CDH23: variants seen among roughly 807,000 people sequenced by gnomAD.
The protein encoded by CDH23 is cadherin-23.
A neutral mutation model predicts 317.1 loss-of-function variants in CDH23; 189 were observed. That is an observed-to-expected ratio of 0.60 (90% CI 0.53 to 0.67). The LOEUF (loss-of-function observed/expected upper bound fraction) is 0.67. Ranked by LOEUF, CDH23 falls within the 30% of genes least tolerant of loss-of-function variation. The pLI is 0.00. For synonymous variants in CDH23, 1,839 were observed against 1,876.8 expected, an observed-to-expected ratio of 0.98 and a Z score of 0.52; for missense variants, 4,401 against 4,592.4, an observed-to-expected ratio of 0.96 and a Z score of 1.20.
intron 6 of CDH23, among the ~76,000 whole-genome samples, chr10:71,514,813 G>T (rs761878509): frequency 6.6e-6 from 1 of 152,202 alleles, no homozygotes; most frequent in Non-Finnish European, 1.5e-5. Context: ...AGCCAGCCTC[G>T]ACAGACCTCA....
At chr10:71,754,541 G>A (rs1333298085) in intron 38 of CDH23, among the ~76,000 whole-genome samples, 2 of 152,142 alleles carry the variant, frequency 1.3e-5, no homozygotes, top group Non-Finnish European at 1.5e-5. Context: ...AAGACTCAAG[G>A]GCAGGGTCAG....
chr10:71,609,015 C>T (rs901345535), intron 9 of CDH23, among the ~76,000 whole-genome samples: 12 of 152,180 alleles, frequency 7.9e-5, no homozygotes, highest in Non-Finnish European at 1.6e-4. Flanking sequence ...AACTGCTTTT[C>T]GCCCAGACCC....
chr10:71,710,477 G>C (rs1019350398), intron 27 of CDH23, among the ~76,000 whole-genome samples: 1 of 152,236 alleles, frequency 6.6e-6, no homozygotes, highest in South Asian at 2.1e-4. Flanking sequence ...ACAGTGCCTA[G>C]TGGCCAGCAG....
chr10:71,634,031 G>A (rs1189400168), intron 11 of CDH23, among the ~76,000 whole-genome samples: 1 of 152,264 alleles, frequency 6.6e-6, no homozygotes, highest in African/African-American at 2.4e-5. Context: ...TTCTCTGTGG[G>A]AAGAGGGAAA....
rs1283594725 is a variant in CDH23 at position 71,639,002 on chromosome 10, C to T, written c.1135-4859C>T. Among the ~76,000 whole-genome samples the T allele has an allele frequency of 2.0e-5, 3 of 152,152 alleles. No homozygotes were observed. In the East Asian group the frequency reaches 5.8e-4, roughly 29 times the overall value. On this transcript the variant is annotated intron_variant, in intron 11 of 69. Transcript: ENST00000224721. ...CCCTAGGAGCAAAGTGCAGGAGCTA[C>T]ACGGGGAGGGACCGGCAGGGAGCCA...
At chr10:71,814,711 G>GAT (rs1351762627) in intron 69 of CDH23, among the ~76,000 whole-genome samples, 1 of 105,110 alleles carries the variant, frequency 9.5e-6, no homozygotes, top group African/African-American at 4.0e-5. Context: ...ACAAGAAGCC[G>GAT]ATACACACAC....
intron 6 of CDH23, among the ~76,000 whole-genome samples, chr10:71,539,904 G>A (rs531813837): frequency 2.6e-5 from 4 of 152,190 alleles, no homozygotes; most frequent in Admixed American, 1.3e-4. Context: ...CAGGCTGCAT[G>A]TGTTTGCCTT....
intron 11 of CDH23, among the ~76,000 whole-genome samples, chr10:71,621,032 T>G (rs1861442963): frequency 6.6e-6 from 1 of 152,204 alleles, no homozygotes; most frequent in African/African-American, 2.4e-5. Context: ...CCGTGTAGCA[T>G]TTAGCCACAT....
rs1281952782 is a variant in CDH23, at chr10:71,695,493, G to C, written c.2365G>C (p.Glu789Gln). 6.2e-7 allele frequency: 1 copy of C among 1,613,504 alleles called. No homozygotes were observed. The highest frequency in any genetic ancestry group is 8.5e-7 in the Non-Finnish European group (1 of 1,179,456). The change falls in exon 22 of 70, where the codon GAG becomes CAG. Residue 789 changes from glutamate to glutamine, a missense_variant. Coordinates refer to ENST00000224721, the MANE Select transcript of CDH23 (RefSeq NM_022124.6). ...KDAPYYINLV[E>Q]MTPPDSDVTT... ...CGCACCCTACTACATCAACCTGGTGGAGATGACCCCTCCAGACTCTGATGT... is the reference window on the plus strand; with the variant it reads ...CGCACCCTACTACATCAACCTGGTGCAGATGACCCCTCCAGACTCTGATGT...
At chr10:71,583,589 C>A (rs1374441860) in intron 9 of CDH23, among the ~76,000 whole-genome samples, 1 of 152,126 alleles carries the variant, frequency 6.6e-6, no homozygotes, top group Non-Finnish European at 1.5e-5. Flanking sequence ...GCTGATAGGA[C>A]AAGTGCTGTG....
At chr10:71,566,270 C>T (rs1857392365) in intron 6 of CDH23, among the ~76,000 whole-genome samples, 1 of 152,130 alleles carries the variant, frequency 6.6e-6, no homozygotes, top group Non-Finnish European at 1.5e-5. Context: ...TCAGCAGCCC[C>T]ATCCATTGTT....
chr10:71,795,114 A>G (rs1302579976), intron 48 of CDH23, among the ~76,000 whole-genome samples: 1 of 152,208 alleles, frequency 6.6e-6, no homozygotes, highest in Non-Finnish European at 1.5e-5. Flanking sequence ...AAAATAATAC[A>G]TGATTTTCAG....
intron 38 of CDH23, among the ~76,000 whole-genome samples, chr10:71,746,338 C>A (rs1839851925): frequency 6.6e-6 from 1 of 152,182 alleles, no homozygotes; most frequent in Non-Finnish European, 1.5e-5. Flanking sequence ...CTACTTTTCT[C>A]CCTGAGACCC....
At chr10:71,639,879 A>G (rs541388733) in intron 11 of CDH23, among the ~76,000 whole-genome samples, 37 of 152,288 alleles carry the variant, frequency 2.4e-4, no homozygotes, top group African/African-American at 8.4e-4. Context: ...GCTGACAGTC[A>G]CAAATCCAGA....
chr10:71,688,516 T>C lies in CDH23; in HGVS notation c.2059+797T>C, dbSNP rs558094592. Among the ~76,000 whole-genome samples, 386 of 136,280 alleles carry C rather than the reference T, an allele frequency of 2.8e-3. 2 individuals carry two copies. Among genetic ancestry groups the C allele is most frequent in the African/African-American group, 0.01 (366 of 35,308 alleles). The allele number at this position is 136,280 out of a possible 152,430, so 89.4% of individuals were successfully genotyped here. On this transcript the variant is annotated intron_variant, in intron 19 of 69. Transcript: ENST00000224721. ...CCAGGGATGGTGGAGCCAGGGGTGG[T>C]GGAGTCAGGGGTGGTGGAACCAGGG...
intron 14 of CDH23, among the ~76,000 whole-genome samples, chr10:71,667,359 A>AGAGAGAGAGAGAGTGTGTGT (rs58361666): frequency 3.6e-5 from 4 of 112,078 alleles, no homozygotes; most frequent in Non-Finnish European, 6.9e-5. Context: ...AGAGAGAGAG[A>AGAGAGAGAGAGAGTGTGTGT]GTGTGTGTGT....
intron 3 of CDH23, among the ~76,000 whole-genome samples, chr10:71,495,373 C>T (rs1852903138): frequency 6.6e-6 from 1 of 151,998 alleles, no homozygotes; most frequent in Non-Finnish European, 1.5e-5. Flanking sequence ...TCTTGCTCAC[C>T]TGCTTTTATG....
chr10:71,748,496 C>T (rs77500667), intron 38 of CDH23: 4,481 of 152,410 alleles, frequency 0.029, 127 homozygotes, highest in African/African-American at 0.064. Context: ...ATTCCTTCAG[C>T]CTCTCCCTGG....
At chr10:71,536,251 A>G (rs369904373) in intron 6 of CDH23, among the ~76,000 whole-genome samples, 3 of 152,348 alleles carry the variant, frequency 2.0e-5, no homozygotes, top group African/African-American at 7.2e-5. Context: ...CCTGAACGGT[A>G]TGGCTTGATG....
Sources: allele counts gnomAD v4.1 joint callset (sites outside exome capture counted in the v4.1 genomes callset), GRCh38; gene constraint gnomAD v4.1.1; transcripts MANE v1.5; gene names NCBI Gene and HGNC (gene_info 2026-07-23, HGNC 2026-07-21).